The following TTC7B variants were observed in gnomAD, a reference collection of about 807,000 sequenced individuals.
TTC7B encodes the protein tetratricopeptide repeat protein 7B.
A neutral mutation model predicts 106.8 loss-of-function variants in TTC7B; 28 were observed. That is an observed-to-expected ratio of 0.26 (90% confidence interval 0.19 to 0.36). The LOEUF (loss-of-function observed/expected upper bound fraction) is 0.36, where lower values mean the gene tolerates loss of function less well. Ranked by LOEUF, TTC7B falls within the 10% of genes least tolerant of loss-of-function variation. The probability of loss-of-function intolerance (pLI) is 1.00; values close to 1 mark genes in which losing one functional copy is unlikely to be tolerated. For missense variants in TTC7B, 862 were observed against 1,076.4 expected (o/e 0.80, Z 2.79); for synonymous variants, 405 against 430.6 (o/e 0.94, Z 0.74).
intron 11 of TTC7B, among the ~76,000 whole-genome samples, chr14:90,655,869 TA>T (rs1293695350): frequency 2.6e-5 from 4 of 152,164 alleles, no homozygotes; most frequent in Non-Finnish European, 4.4e-5. Flanking sequence ...TTATTTTTTT[TA>T]AAAAAAAGAG....
intron 5 of TTC7B, among the ~76,000 whole-genome samples, chr14:90,708,675 T>C (rs1888312467): frequency 6.6e-6 from 1 of 152,238 alleles, no homozygotes; most frequent in African/African-American, 2.4e-5. Flanking sequence ...GAGATAAAAG[T>C]TGTTTTCATG....
At chr14:90,668,229 T>G (rs187077644) in intron 9 of TTC7B, among the ~76,000 whole-genome samples, 1 of 152,228 alleles carries the variant, frequency 6.6e-6, no homozygotes, top group African/African-American at 2.4e-5. Context: ...TTTAGATCAA[T>G]CCTTTCTAAT....
Position 90,570,155 on chromosome 14 carries a change from A to G in TTC7B, c.2310+7951T>C, listed in dbSNP as rs1890975038. 6.6e-6 allele frequency among the ~76,000 whole-genome samples: 1 copy of G among 152,172 alleles called. No individual in the cohort carries two copies. The highest frequency in any genetic ancestry group is 2.4e-5 in the African/African-American group (1 of 41,438). On this transcript the variant is annotated intron_variant, in intron 19 of 19. Coordinates refer to ENST00000328459, the MANE Select transcript of TTC7B (RefSeq NM_001010854.2). The surrounding 1 kb of genome is among the most constrained non-coding windows in gnomAD (Gnocchi z 4.0). The stretch of plus-strand genomic sequence containing the variant: ...ACCCAGCACACTGAGTGAGAGCCCC[A>G]CTTACAGCCTAGCAGGGCCTCCCTG...
chr14:90,654,784 T>G (rs993526672), intron 12 of TTC7B, among the ~76,000 whole-genome samples: 5 of 152,186 alleles, frequency 3.3e-5, no homozygotes, highest in Admixed American at 2.0e-4. Flanking sequence ...CTGGGAGCCC[T>G]GGCACAGGGC....
chr14:90,542,478 C>T (rs546982500), intron 19 of TTC7B, among the ~76,000 whole-genome samples: 3 of 152,234 alleles, frequency 2.0e-5, no homozygotes, highest in South Asian at 2.1e-4. Context: ...ATAAGCGATG[C>T]GTGTACTCGC....
intron 2 of TTC7B, among the ~76,000 whole-genome samples, chr14:90,783,770 C>G (rs937622288): frequency 6.6e-6 from 1 of 152,090 alleles, no homozygotes; most frequent in Non-Finnish European, 1.5e-5. Flanking sequence ...AACCACGTCT[C>G]TATTAAAAAT....
At chr14:90,607,769 A>G (rs1280732266) in intron 17 of TTC7B, among the ~76,000 whole-genome samples, 2 of 152,246 alleles carry the variant, frequency 1.3e-5, no homozygotes, top group Non-Finnish European at 2.9e-5. Flanking sequence ...ACAGATGGGT[A>G]TGGAGGCATC....
intron 5 of TTC7B, among the ~76,000 whole-genome samples, chr14:90,714,055 T>C (rs1249142230): frequency 3.3e-5 from 5 of 151,990 alleles, no homozygotes; most frequent in African/African-American, 1.2e-4. Context: ...TGGAGAAACT[T>C]TGTCTCTATT....
At chr14:90,656,606 ACAGAGTAAGACC>A (rs1885957399) in intron 11 of TTC7B, among the ~76,000 whole-genome samples, 1 of 152,210 alleles carries the variant, frequency 6.6e-6, no homozygotes, top group African/African-American at 2.4e-5. Flanking sequence ...AGCCTAGGCA[ACAGAGTAAGACC>A]CTGTCTCTAC....
At chr14:90,730,932 A>T (rs1312393835) in intron 4 of TTC7B, among the ~76,000 whole-genome samples, 1 of 152,154 alleles carries the variant, frequency 6.6e-6, no homozygotes, top group Non-Finnish European at 1.5e-5. Flanking sequence ...GGTATACTGA[A>T]GTGTAAACAT....
At chr14:90,580,965 A>G (rs893885723) in intron 18 of TTC7B, among the ~76,000 whole-genome samples, 1 of 152,106 alleles carries the variant, frequency 6.6e-6, no homozygotes, top group Non-Finnish European at 1.5e-5. Flanking sequence ...TTTGACCTCA[A>G]TCAGCCTGGC....
In TTC7B at chr14:90,655,042, G is replaced by A; in HGVS notation, c.1410C>T (p.Ala470=). The change falls in exon 12 of 20, where the codon GCC becomes GCT. Residue 470 remains alanine, a synonymous_variant. Coordinates refer to ENST00000328459, the MANE Select transcript of TTC7B (RefSeq NM_001010854.2). ...TGAGCCCCAGAGCTAAGTAGCCTTTGGCCTTGAACTCTGACGTTTTCTCTC... is the reference window on the plus strand; with the variant it reads ...TGAGCCCCAGAGCTAAGTAGCCTTTAGCCTTGAACTCTGACGTTTTCTCTC... ...DVGEKTSEFK[A]KGYLALGLTY... 6.2e-7 allele frequency: 1 copy of A among 1,614,194 alleles called. No individual in the cohort carries two copies. Among genetic ancestry groups the A allele is most frequent in the Non-Finnish European group, 8.5e-7 (1 of 1,180,022 alleles).
intron 9 of TTC7B, among the ~76,000 whole-genome samples, chr14:90,672,859 C>A (rs74081285): frequency 2.0e-5 from 3 of 152,156 alleles, no homozygotes; most frequent in African/African-American, 7.2e-5. Flanking sequence ...TGCCTCTTAA[C>A]GAGCTCTAAG....
At chr14:90,583,963 A>T (rs1018598471) in intron 18 of TTC7B, among the ~76,000 whole-genome samples, 6 of 151,822 alleles carry the variant, frequency 4.0e-5, no homozygotes. Flanking sequence ...TTTCAGCTTC[A>T]CTCTGCCCAG....
intron 5 of TTC7B, among the ~76,000 whole-genome samples, chr14:90,712,013 A>G (rs1888468643): frequency 6.6e-6 from 1 of 152,112 alleles, no homozygotes; most frequent in African/African-American, 2.4e-5. Context: ...AGAGATAGAG[A>G]CACTTTAATT....
chr14:90,565,429 G>T (rs1890751930), intron 19 of TTC7B, among the ~76,000 whole-genome samples: 1 of 133,166 alleles, frequency 7.5e-6, no homozygotes, highest in Non-Finnish European at 1.6e-5. Flanking sequence ...TTGAGACGGA[G>T]TCTTGCTCTG....
intron 1 of TTC7B, among the ~76,000 whole-genome samples, chr14:90,803,716 C>T (rs2030416818): frequency 6.6e-6 from 1 of 152,260 alleles, no homozygotes; most frequent in East Asian, 1.9e-4. Context: ...TCTACACACA[C>T]AGCGCAGAGG....
intron 7 of TTC7B, among the ~76,000 whole-genome samples, chr14:90,685,927 A>G (rs1020514583): frequency 1.7e-4 from 26 of 152,210 alleles, no homozygotes; most frequent in African/African-American, 6.3e-4. Flanking sequence ...CCAAAGATTT[A>G]AAGGATTAAT....
chr14:90,661,355 G>A (rs373038997), intron 9 of TTC7B, among the ~76,000 whole-genome samples: 1 of 152,354 alleles, frequency 6.6e-6, no homozygotes, highest in East Asian at 1.9e-4. Flanking sequence ...GTGCCTTTAA[G>A]GAGCACAGCG....
Sources: gnomAD v4.1 joint callset for allele counts (sites outside exome capture counted in the v4.1 genomes callset) on GRCh38, gnomAD v4.1.1 for gene constraint, Gnocchi (gnomAD v3.1) non-coding constraint, MANE v1.5 for transcripts, NCBI Gene and HGNC (gene_info 2026-07-23, HGNC 2026-07-21) for gene names.